The following CNKSR2 variants were observed in gnomAD, a reference collection of about 807,000 sequenced individuals.
CNKSR2 encodes connector enhancer of kinase suppressor of Ras 2.
A neutral mutation model predicts 84.4 loss-of-function variants in CNKSR2; 14 were observed. That is an observed-to-expected ratio of 0.17 (90% CI 0.11 to 0.26). The LOEUF is 0.26. Among genes scored for constraint, CNKSR2 ranks in the 10% least tolerant of loss-of-function variants. CNKSR2 has a pLI of 1.00. For synonymous variants in CNKSR2, 275 were observed against 277.9 expected, an observed-to-expected ratio of 0.99 and a Z score of 0.10; for missense variants, 485 against 771.2, an observed-to-expected ratio of 0.63 and a Z score of 4.40.
intron 20 of CNKSR2, among the ~76,000 whole-genome samples, chrX:21,616,749 A>T (rs1309089489): frequency 8.9e-6 from 1 of 112,241 alleles, no homozygotes; most frequent in Non-Finnish European, 1.9e-5. Context: ...CAGCTCTCTT[A>T]GGCAGTTGTT....
chrX:21,599,084 T>C (rs1045126621), intron 17 of CNKSR2, among the ~76,000 whole-genome samples: 1 of 112,549 alleles, frequency 8.9e-6, no homozygotes, highest in Non-Finnish European at 1.9e-5. Flanking sequence ...TTTTTCTTCT[T>C]AAGAATAGTT....
chrX:21,607,036 A>C (rs190986643), intron 19 of CNKSR2, among the ~76,000 whole-genome samples, 157 bp downstream of exon 19: 1 of 112,198 alleles, frequency 8.9e-6, no homozygotes, highest in Admixed American at 9.4e-5. Flanking sequence ...AAATTTTTTT[A>C]AGTATACAAA....
intron 1 of CNKSR2, among the ~76,000 whole-genome samples, chrX:21,391,115 C>T (rs2090043983): frequency 8.9e-6 from 1 of 112,745 alleles, no homozygotes; most frequent in Admixed American, 9.3e-5. Flanking sequence ...GTACAACCCC[C>T]TTGGTGGCTA....
intron 20 of CNKSR2, among the ~76,000 whole-genome samples, chrX:21,639,403 C>A (rs2092684684): frequency 8.9e-6 from 1 of 111,895 alleles, no homozygotes; most frequent in Non-Finnish European, 1.9e-5. Context: ...ATGCACATGC[C>A]AAGACATATA....
At chrX:21,617,997 A>C (rs2092585988) in intron 20 of CNKSR2, among the ~76,000 whole-genome samples, 1 of 101,282 alleles carries the variant, frequency 9.9e-6, no homozygotes, top group Non-Finnish European at 2.0e-5. Context: ...GATTTTGCTG[A>C]GCTTTCTTTA....
At chrX:21,438,753 A>G (rs925776905) in intron 3 of CNKSR2, among the ~76,000 whole-genome samples, 14 of 111,496 alleles carry the variant, frequency 1.3e-4, no homozygotes, top group African/African-American at 4.2e-4. Context: ...TTTGCAACAA[A>G]CAGATATGAA....
Position 21,374,884 on chromosome X carries a change from C to G in CNKSR2, c.-14C>G, listed in dbSNP as rs751894263. 8.3e-7 allele frequency: 1 copy of G among 1,205,712 alleles called. No homozygotes were observed. Among genetic ancestry groups the G allele is most frequent in the Non-Finnish European group, 1.1e-6 (1 of 889,612 alleles). On this transcript the variant is annotated 5_prime_UTR_variant, in exon 1 of 22. Coordinates refer to ENST00000379510, the MANE Select transcript of CNKSR2 (RefSeq NM_014927.5). ...TCTGAGCTCTGCGCTCTGCACGGAA[C>G]CGACCCCGTACCCATGGCTCTGATA...
intron 19 of CNKSR2, chrX:21,608,166 TCTC>T (rs1377552695): frequency 9.0e-6 from 1 of 110,858 alleles, no homozygotes; most frequent in African/African-American, 3.3e-5. Flanking sequence ...CCAAGTAACT[TCTC>T]CTCCTTTACC....
Position 21,440,793 on chromosome X carries a change from C to T in CNKSR2, c.519+12C>T. The stretch of plus-strand genomic sequence containing the variant: ...CAATTGTGCAACAGGTATTAGCTGA[C>T]AAACTTTCCTTCTGTTAATTTATTA... On this transcript the variant is annotated intron_variant, in intron 4 of 21. Coordinates refer to ENST00000379510, the MANE Select transcript of CNKSR2 (RefSeq NM_014927.5). 9.4e-7 allele frequency: 1 copy of T among 1,065,740 alleles called. No individual in the cohort carries two copies. Among genetic ancestry groups the T allele is most frequent in the Non-Finnish European group, 1.3e-6 (1 of 773,569 alleles). The allele number at this position is 1,065,740 out of a possible 1,213,427, so 87.8% of individuals were successfully genotyped here. A position where few individuals can be genotyped will look rare whatever the true frequency, so the allele number is the denominator to read the frequency against.
intron 6 of CNKSR2, chrX:21,494,201 A>G (rs1335847680): frequency 2.7e-5 from 3 of 111,717 alleles, no homozygotes; most frequent in Non-Finnish European, 3.8e-5. Context: ...TATCCCAATA[A>G]CTACAGTGTC....
Position 21,520,725 on chromosome X carries a change from G to T in CNKSR2, c.957+4094G>T, listed in dbSNP as rs775800320. ...TTTGGTGAGAATGCATCTCAGAAAT[G>T]ATCACTAAAATCAGTGCTGGAATTC... On this transcript the variant is annotated intron_variant, in intron 9 of 21. Transcript: ENST00000379510. 1.2e-4 allele frequency among the ~76,000 whole-genome samples: 13 copies of T among 106,710 alleles called. No homozygotes were observed. The East Asian group carries it at 3.8e-3, about 31-fold the overall frequency. The allele number at this position is 106,710 out of a possible 115,157, so 92.7% of individuals were successfully genotyped here. A position where few individuals can be genotyped will look rare whatever the true frequency, so the allele number is the denominator to read the frequency against.
chrX:21,583,536 T>C (rs1406529866), intron 13 of CNKSR2, among the ~76,000 whole-genome samples: 1 of 111,909 alleles, frequency 8.9e-6, no homozygotes, highest in Non-Finnish European at 1.9e-5. Flanking sequence ...AGCACCTTCT[T>C]TTCTTATGTA....
chrX:21,598,415 T>A (rs749413778), intron 17 of CNKSR2, among the ~76,000 whole-genome samples: 6 of 111,643 alleles, frequency 5.4e-5, no homozygotes, highest in Admixed American at 1.9e-4. Context: ...GTTCTTTCTC[T>A]TATTTCCCTC....
intron 20 of CNKSR2, among the ~76,000 whole-genome samples, chrX:21,619,283 G>T (rs1319411483): frequency 3.6e-5 from 4 of 111,909 alleles, no homozygotes; most frequent in Non-Finnish European, 7.5e-5. Flanking sequence ...TTATAATTGA[G>T]AAGGCACTTC....
At position 21,379,475 on chromosome X, in the gene CNKSR2, G is replaced by A. The variant is rs762049657; in HGVS notation, c.64+4514G>A. Among the ~76,000 whole-genome samples the A allele has an allele frequency of 2.7e-5, 3 of 111,855 alleles. No homozygotes were observed. The South Asian group carries it at 1.1e-3, about 41-fold the overall frequency. ...ACTTTTTTGGGGAACAGGAATTCTT[G>A]TCATTTTATGTAAAGAAGAAATATA... On this transcript the variant is annotated intron_variant, in intron 1 of 21. Coordinates refer to ENST00000379510, the MANE Select transcript of CNKSR2 (RefSeq NM_014927.5).
intron 8 of CNKSR2, chrX:21,504,729 A>T (rs763916143): frequency 3.4e-6 from 1 of 294,929 alleles, no homozygotes; most frequent in African/African-American, 2.7e-5. Flanking sequence ...TATTTTCTTA[A>T]TTGAAATGAA....
intron 4 of CNKSR2, among the ~76,000 whole-genome samples, chrX:21,463,852 A>G (rs1396809136): frequency 9.0e-6 from 1 of 110,603 alleles, no homozygotes; most frequent in East Asian, 2.9e-4. Context: ...CCACTCTTCC[A>G]TTTCCTCTCC....
At chrX:21,473,745 G>GTTTTTTTTT (rs768497403) in intron 5 of CNKSR2, among the ~76,000 whole-genome samples, 5 of 67,200 alleles carry the variant, frequency 7.4e-5, no homozygotes, top group African/African-American at 5.1e-4. Context: ...TGTTGGTTTG[G>GTTTTTTTTT]TTTTTTTTTT....
chrX:21,401,486 C>T (rs960641164), intron 1 of CNKSR2, among the ~76,000 whole-genome samples: 1 of 111,557 alleles, frequency 9.0e-6, no homozygotes, highest in African/African-American at 3.2e-5. Flanking sequence ...GTTCGTGGCA[C>T]ATCATTTTTC....
Sources: allele counts gnomAD v4.1 joint callset (sites outside exome capture counted in the v4.1 genomes callset), GRCh38; gene constraint gnomAD v4.1.1; transcripts MANE v1.5; gene names NCBI Gene and HGNC (gene_info 2026-07-23, HGNC 2026-07-21).